The following CORO1C variants were observed in gnomAD, a reference collection of about 807,000 sequenced individuals.
CORO1C encodes the protein coronin 1C.
Under a neutral mutation model 51.2 loss-of-function variants are expected in CORO1C, and 14 were observed. That is an observed-to-expected ratio of 0.27 (90% CI 0.18 to 0.43). CORO1C has a LOEUF of 0.43. CORO1C is among the 20% of genes least tolerant of loss of function. The pLI is 1.00. For synonymous variants in CORO1C, 181 were observed against 210.5 expected, an observed-to-expected ratio of 0.86 and a Z score of 1.21; for missense variants, 417 against 607.8, an observed-to-expected ratio of 0.69 and a Z score of 3.30.
At chr12:108,678,198 ACC>A in intron 3 of CORO1C, 72 bp downstream of exon 3, 1 of 1,438,506 alleles carries the variant, frequency 7.0e-7, no homozygotes, top group Non-Finnish European at 9.5e-7. Flanking sequence ...ATACACACAC[ACC>A]CACACACATG....
chr12:108,649,085 T>A lies in CORO1C; in HGVS notation c.1002-65A>T, dbSNP rs562794295. 5.3e-5 allele frequency: 83 copies of A among 1,563,228 alleles called. No homozygotes were observed. The South Asian group carries it at 8.9e-4, about 17-fold the overall frequency. On this transcript the variant is annotated intron_variant, in intron 8 of 10. Coordinates refer to ENST00000261401, the MANE Select transcript of CORO1C (RefSeq NM_014325.4). ...ATATGAGGCTGACTAACAGGATGAA[T>A]AATTAGTTTTCTACAATGCTGTCTG...
chr12:108,706,200 AAAAAC>A (rs2035027087), intron 1 of CORO1C, among the ~76,000 whole-genome samples: 1 of 151,684 alleles, frequency 6.6e-6, no homozygotes, highest in Non-Finnish European at 1.5e-5. Context: ...AAAAAACAAA[AAAAAC>A]AAAAAAAAAG....
Position 108,646,149 on chromosome 12 carries a change from T to C in CORO1C, c.*1254A>G, listed in dbSNP as rs2032350109. 1 of 152,264 alleles carries C rather than the reference T, an allele frequency of 6.6e-6. No individual in the cohort carries two copies. The highest frequency in any genetic ancestry group is 2.4e-5 in the African/African-American group (1 of 41,452). 9.4% of individuals were successfully genotyped at this position (152,264 alleles called of 1,614,324 possible). A position where few individuals can be genotyped will look rare whatever the true frequency, so the allele number is the denominator to read the frequency against. The stretch of plus-strand genomic sequence containing the variant: ...CTCCTCAGTCTCAATACTCATTCAA[T>C]CGCACCCTCTGGCCTTGTCTTAGCT... On this transcript the variant is annotated 3_prime_UTR_variant, in exon 11 of 11. Coordinates refer to ENST00000261401, the MANE Select transcript of CORO1C (RefSeq NM_014325.4).
chr12:108,730,408 A>T (rs1377736797), intron 1 of CORO1C: 3 of 152,240 alleles, frequency 2.0e-5, no homozygotes, highest in African/African-American at 7.2e-5. Context: ...CTCTCACCGC[A>T]GCCTGCCACT....
chr12:108,723,024 G>A (rs1468050558), intron 1 of CORO1C, among the ~76,000 whole-genome samples: 2 of 152,180 alleles, frequency 1.3e-5, no homozygotes, highest in Admixed American at 6.5e-5. Context: ...AACAGACAAC[G>A]TGCATCTTAT....
intron 1 of CORO1C, among the ~76,000 whole-genome samples, chr12:108,717,721 T>C (rs1216934536): frequency 2.0e-5 from 3 of 152,198 alleles, no homozygotes; most frequent in African/African-American, 7.2e-5. Flanking sequence ...TACTACCTCT[T>C]AGTAGTAGCT....
At chr12:108,661,923 C>G (rs2033279041) in intron 4 of CORO1C, 106 bp downstream of exon 4, 1 of 1,260,896 alleles carries the variant, frequency 7.9e-7, no homozygotes, top group South Asian at 1.3e-5. Flanking sequence ...TCCTAATAAT[C>G]TGCTTTAAAA....
intron 1 of CORO1C, among the ~76,000 whole-genome samples, chr12:108,709,517 G>C (rs546945731): frequency 1.0e-3 from 152 of 152,256 alleles, no homozygotes; most frequent in African/African-American, 3.5e-3. Flanking sequence ...CTTCTTAAGA[G>C]AGCTGTCTGC....
intron 2 of CORO1C, among the ~76,000 whole-genome samples, chr12:108,694,908 T>C (rs1332681562): frequency 6.6e-6 from 1 of 152,244 alleles, no homozygotes; most frequent in Non-Finnish European, 1.5e-5. Flanking sequence ...AGTCACGTAA[T>C]ACAGTCTAAG....
intron 5 of CORO1C, 23 bp from the exon 6 acceptor site, chr12:108,657,446 C>T: frequency 6.2e-6 from 10 of 1,608,980 alleles, no homozygotes; most frequent in Non-Finnish European, 8.5e-6. Context: ...AAGGCACATG[C>T]CACACATTAA....
At chr12:108,670,328 T>G (rs2033669132) in intron 3 of CORO1C, among the ~76,000 whole-genome samples, 1 of 152,070 alleles carries the variant, frequency 6.6e-6, no homozygotes, top group South Asian at 2.1e-4. Context: ...GGATTTTGCC[T>G]TTTCCAACAG....
intron 1 of CORO1C, among the ~76,000 whole-genome samples, chr12:108,726,540 T>A (rs1197087507): frequency 2.0e-5 from 3 of 151,524 alleles, no homozygotes; most frequent in Admixed American, 2.0e-4. Context: ...CTGGGCATGG[T>A]GCATCACGCC....
chr12:108,689,799 C>A (rs1242935460), intron 2 of CORO1C, among the ~76,000 whole-genome samples: 1 of 152,154 alleles, frequency 6.6e-6, no homozygotes, highest in Non-Finnish European at 1.5e-5. Context: ...ACTTTATGTG[C>A]CCAAATTTCA....
At chr12:108,663,371 T>C (rs1038173779) in intron 3 of CORO1C, among the ~76,000 whole-genome samples, 1 of 152,202 alleles carries the variant, frequency 6.6e-6, no homozygotes, top group Non-Finnish European at 1.5e-5. Flanking sequence ...ATGCAAAAAC[T>C]TGTACAAGAA....
chr12:108,711,694 A>C (rs1338846031), intron 1 of CORO1C, among the ~76,000 whole-genome samples: 3 of 151,992 alleles, frequency 2.0e-5, no homozygotes, highest in Admixed American at 1.3e-4. Context: ...AAAAAAAAAA[A>C]AACTTATCTT....
intron 2 of CORO1C, chr12:108,700,911 G>T: frequency 1.8e-6 from 1 of 551,490 alleles, no homozygotes; most frequent in Non-Finnish European, 3.2e-6. Flanking sequence ...CATCCATAGA[G>T]GGCATCCCCA....
intron 2 of CORO1C, among the ~76,000 whole-genome samples, chr12:108,685,594 T>G (rs1032655910): frequency 2.6e-5 from 4 of 151,062 alleles, no homozygotes; most frequent in African/African-American, 9.7e-5. Flanking sequence ...GAAAGAAAAT[T>G]TCCACTATGC....
chr12:108,724,487 A>C (rs1331319072), intron 1 of CORO1C, among the ~76,000 whole-genome samples: 1 of 152,236 alleles, frequency 6.6e-6, no homozygotes, highest in Non-Finnish European at 1.5e-5. Context: ...GGAATAGACC[A>C]GCCCACAGTG....
At position 108,654,349 on chromosome 12, in the gene CORO1C, G is replaced by A; in HGVS notation, c.812C>T (p.Pro271Leu). 6.2e-7 allele frequency: 1 copy of A among 1,613,404 alleles called. No homozygotes were observed. The highest frequency in any genetic ancestry group is 8.5e-7 in the Non-Finnish European group (1 of 1,179,452). The change falls in exon 7 of 11, where the codon CCT (proline) becomes CTT (leucine). Residue 271 changes from proline (P) to leucine (L), a missense_variant. Coordinates refer to ENST00000261401, the MANE Select transcript of CORO1C (RefSeq NM_014325.4). ...EMDTSNGVLL[P>L]FYDPDTSIIY... ...GATGCTGGTGTCAGGGTCATAGAAA[G>A]GCAGCAACACCCCATTGCTAGTGTC...
Sources: gnomAD v4.1 joint callset for allele counts (sites outside exome capture counted in the v4.1 genomes callset) on GRCh38, gnomAD v4.1.1 for gene constraint, MANE v1.5 for transcripts, NCBI Gene and HGNC (gene_info 2026-07-23, HGNC 2026-07-21) for gene names.